Variants in BICC1 observed in about 807,000 individuals in gnomAD.
BICC1 encodes BicC family RNA binding protein 1.
A neutral mutation model predicts 111.0 loss-of-function variants in BICC1; 43 were observed. That is an observed-to-expected ratio of 0.39 (90% confidence interval 0.30 to 0.50). The LOEUF is 0.50. Among genes scored for constraint, BICC1 ranks in the 20% least tolerant of loss-of-function variants. The probability of loss-of-function intolerance (pLI) is 0.88; values close to 1 mark genes in which losing one functional copy is unlikely to be tolerated. For missense variants in BICC1, 1,091 were observed against 1,203.2 expected (o/e 0.91, Z 1.38); for synonymous variants, 467 against 434.4 (o/e 1.07, Z -0.93).
chr10:58,813,478 G>T (rs886161510), intron 17 of BICC1, among the ~76,000 whole-genome samples: 1 of 152,132 alleles, frequency 6.6e-6, no homozygotes, highest in African/African-American at 2.4e-5. Flanking sequence ...GCTCTACCAG[G>T]TGGAAGATTT....
rs1843099711 is a variant in BICC1, at chr10:58,789,142, A to G, written c.601-120A>G. On this transcript the variant is annotated intron_variant, in intron 6 of 20. Transcript: ENST00000373886. Reference sequence around the variant, plus strand: ...TTTATATAATGTAGCTAAACTTAATATCTATAAGGGCAGTTTATGCTTTAA... The same window carrying G: ...TTTATATAATGTAGCTAAACTTAATGTCTATAAGGGCAGTTTATGCTTTAA... 1.1e-5 allele frequency: 9 copies of G among 789,956 alleles called. No homozygotes were observed. The South Asian group carries it at 1.7e-4, about 15-fold the overall frequency. The allele number at this position is 789,956 out of a possible 1,614,324, so 48.9% of individuals were successfully genotyped here. A position where few individuals can be genotyped will look rare whatever the true frequency, so the allele number is the denominator to read the frequency against.
At chr10:58,528,934 A>C (rs1385605836) in intron 1 of BICC1, among the ~76,000 whole-genome samples, 1 of 151,972 alleles carries the variant, frequency 6.6e-6, no homozygotes, top group Non-Finnish European at 1.5e-5. Flanking sequence ...GAAATGTGGT[A>C]GAAAGAGAGG....
At chr10:58,733,722 G>GT (rs1280091667) in intron 3 of BICC1, among the ~76,000 whole-genome samples, 5 of 152,230 alleles carry the variant, frequency 3.3e-5, no homozygotes, top group Non-Finnish European at 7.3e-5. Context: ...GGCTGCTGCT[G>GT]TTGATCAGGG....
At chr10:58,515,556 A>G (rs1842221514) in intron 1 of BICC1, among the ~76,000 whole-genome samples, 1 of 152,234 alleles carries the variant, frequency 6.6e-6, no homozygotes, top group African/African-American at 2.4e-5. Context: ...TGGCTATGAC[A>G]TCACTAGGCG....
intron 3 of BICC1, among the ~76,000 whole-genome samples, chr10:58,752,986 A>G (rs761356958): frequency 8.5e-5 from 13 of 152,122 alleles, no homozygotes; most frequent in Non-Finnish European, 1.8e-4. Flanking sequence ...TGTGGTCACA[A>G]CTTTGTAGCT....
At chr10:58,765,798 C>G (rs1842440793) in intron 3 of BICC1, among the ~76,000 whole-genome samples, 1 of 152,132 alleles carries the variant, frequency 6.6e-6, no homozygotes, top group Non-Finnish European at 1.5e-5. Context: ...ATAATCATGT[C>G]AAAAAAGCTG....
chr10:58,781,290 A>G (rs1047234312), intron 3 of BICC1, among the ~76,000 whole-genome samples: 3 of 152,184 alleles, frequency 2.0e-5, no homozygotes, highest in Admixed American at 1.3e-4. Flanking sequence ...GACTCTTTCT[A>G]TAGACTTCCA....
At chr10:58,628,656 T>TG (rs1249234763) in intron 2 of BICC1, among the ~76,000 whole-genome samples, 1 of 152,152 alleles carries the variant, frequency 6.6e-6, no homozygotes, top group African/African-American at 2.4e-5. Context: ...CTGGGTATAG[T>TG]GTTTTGGATA....
intron 1 of BICC1, among the ~76,000 whole-genome samples, chr10:58,530,805 C>CT (rs971798511): frequency 7.9e-5 from 12 of 151,608 alleles, no homozygotes; most frequent in Non-Finnish European, 1.6e-4. Flanking sequence ...GTAGAGAATG[C>CT]TTTATGAGAT....
At chr10:58,788,479 A>G (rs1843077390) in intron 6 of BICC1, 56 bp downstream of exon 6, 1 of 1,182,652 alleles carries the variant, frequency 8.5e-7, no homozygotes. Flanking sequence ...TTGCATTATA[A>G]GGCACTAAAA....
chr10:58,763,760 A>G (rs1168451531), intron 3 of BICC1, among the ~76,000 whole-genome samples: 1 of 151,988 alleles, frequency 6.6e-6, no homozygotes, highest in Admixed American at 6.6e-5. Context: ...AAAGAGCATG[A>G]AGAAAGTGAG....
chr10:58,622,248 T>C (rs1290755780), intron 2 of BICC1, among the ~76,000 whole-genome samples: 1 of 152,130 alleles, frequency 6.6e-6, no homozygotes, highest in African/African-American at 2.4e-5. Flanking sequence ...TTGGCTCTGA[T>C]GGTAAAAATA....
chr10:58,680,974 A>G (rs750068339), intron 2 of BICC1, among the ~76,000 whole-genome samples: 10 of 152,256 alleles, frequency 6.6e-5, no homozygotes, highest in Non-Finnish European at 1.3e-4. Context: ...AGCCATATGC[A>G]GAAAATTGAA....
chr10:58,531,715 G>T, intron 1 of BICC1, among the ~76,000 whole-genome samples: 1 of 151,826 alleles, frequency 6.6e-6, no homozygotes, highest in South Asian at 2.1e-4. Context: ...GATGGAAACT[G>T]TAAAGATCCA....
At chr10:58,530,747 A>G (rs1344918216) in intron 1 of BICC1, among the ~76,000 whole-genome samples, 2 of 151,704 alleles carry the variant, frequency 1.3e-5, no homozygotes, top group Non-Finnish European at 2.9e-5. Context: ...AAGATATTTC[A>G]TACCTTTGTT....
intron 1 of BICC1, among the ~76,000 whole-genome samples, chr10:58,574,486 G>A (rs1844051330): frequency 6.7e-6 from 1 of 148,634 alleles, no homozygotes; most frequent in Admixed American, 7.1e-5. Flanking sequence ...ATATGTTAAA[G>A]TACTATGTGT....
At chr10:58,551,696 T>A (rs1267723332) in intron 1 of BICC1, among the ~76,000 whole-genome samples, 1 of 152,172 alleles carries the variant, frequency 6.6e-6, no homozygotes, top group Admixed American at 6.5e-5. Flanking sequence ...TACTATTTGT[T>A]TCTGTGAGTT....
intron 2 of BICC1, among the ~76,000 whole-genome samples, chr10:58,640,583 G>A (rs1479566702): frequency 1.3e-5 from 2 of 152,174 alleles, no homozygotes; most frequent in African/African-American, 4.8e-5. Context: ...GGTTATTGCA[G>A]CCATGGGATA....
chr10:58,692,270 A>G (rs1384767991), intron 2 of BICC1, among the ~76,000 whole-genome samples: 1 of 152,148 alleles, frequency 6.6e-6, no homozygotes, highest in Admixed American at 6.5e-5. Flanking sequence ...TTTCATTGAT[A>G]AGTAGGAGTT....
Sources: allele counts gnomAD v4.1 joint callset (sites outside exome capture counted in the v4.1 genomes callset), GRCh38; gene constraint gnomAD v4.1.1; transcripts MANE v1.5; gene names NCBI Gene and HGNC (gene_info 2026-07-23, HGNC 2026-07-21).